Variants in LSAMP observed in about 807,000 individuals in gnomAD.
The protein encoded by LSAMP is limbic system associated membrane protein.
A neutral mutation model predicts 38.6 loss-of-function variants in LSAMP; 7 were observed. The observed-to-expected ratio is 0.18, with a 90% confidence interval of 0.10 to 0.34. The LOEUF (loss-of-function observed/expected upper bound fraction) is 0.34. Ranked by LOEUF, LSAMP falls within the 10% of genes least tolerant of loss-of-function variation. LSAMP has a pLI of 1.00. For missense variants in LSAMP, 313 were observed against 420.0 expected (o/e 0.75, Z 2.23); for synonymous variants, 154 against 166.8 (o/e 0.92, Z 0.59).
At chr3:116,271,107 G>C (rs2046966158) in intron 1 of LSAMP, among the ~76,000 whole-genome samples, 1 of 152,146 alleles carries the variant, frequency 6.6e-6, no homozygotes, top group Non-Finnish European at 1.5e-5. Flanking sequence ...ACTCTAAAGA[G>C]TTGATGGCCA....
intron 3 of LSAMP, among the ~76,000 whole-genome samples, chr3:115,904,111 CAAAA>C (rs957751464): frequency 4.0e-5 from 6 of 151,308 alleles, no homozygotes; most frequent in Admixed American, 2.6e-4. Flanking sequence ...CGACGGTAGT[CAAAA>C]AAAGTGAAGC....
At chr3:116,172,011 A>G (rs1013401019) in intron 1 of LSAMP, among the ~76,000 whole-genome samples, 3 of 151,996 alleles carry the variant, frequency 2.0e-5, no homozygotes, top group Non-Finnish European at 2.9e-5. Context: ...TTAGTGCACA[A>G]TTTTATTGGT....
chr3:116,058,975 A>G (rs1941544460), intron 2 of LSAMP, among the ~76,000 whole-genome samples: 1 of 151,764 alleles, frequency 6.6e-6, no homozygotes, highest in Non-Finnish European at 1.5e-5. Flanking sequence ...CACTGACTCC[A>G]TGCTTATGCT....
At chr3:116,209,964 C>T (rs557432341) in intron 1 of LSAMP, among the ~76,000 whole-genome samples, 37 of 152,206 alleles carry the variant, frequency 2.4e-4, no homozygotes, top group Non-Finnish European at 4.4e-4. Flanking sequence ...CCATGTTAGC[C>T]AGGATGGTCT....
intron 1 of LSAMP, among the ~76,000 whole-genome samples, chr3:116,283,172 TAAAG>T (rs1162016796): frequency 7.1e-6 from 1 of 140,900 alleles, no homozygotes; most frequent in Non-Finnish European, 1.5e-5. Context: ...TTTAGAAAAG[TAAAG>T]AAAGAGAGGA....
At chr3:115,941,653 T>C (rs1000008790) in intron 3 of LSAMP, among the ~76,000 whole-genome samples, 12 of 152,008 alleles carry the variant, frequency 7.9e-5, no homozygotes, top group African/African-American at 2.4e-5. Flanking sequence ...TACAACAACA[T>C]GGGTGAAACT....
At chr3:115,842,099 G>C (rs1935015778) in intron 5 of LSAMP, 106 bp from the exon 6 acceptor site, 1 of 1,196,594 alleles carries the variant, frequency 8.4e-7, no homozygotes, top group South Asian at 1.5e-5. Flanking sequence ...AAAGGAAGTA[G>C]CTAGAGTTTG....
At chr3:116,046,576 C>T (rs1405654558) in intron 2 of LSAMP, among the ~76,000 whole-genome samples, 1 of 152,090 alleles carries the variant, frequency 6.6e-6, no homozygotes, top group Non-Finnish European at 1.5e-5. Flanking sequence ...GCTCAAAGGC[C>T]CTGGTTTTGG....
intron 2 of LSAMP, among the ~76,000 whole-genome samples, chr3:116,083,991 T>C (rs904093114): frequency 1.6e-4 from 25 of 152,286 alleles, no homozygotes; most frequent in African/African-American, 6.0e-4. Context: ...CCCTTGTAAG[T>C]ACAAGCTTTG....
intron 3 of LSAMP, among the ~76,000 whole-genome samples, chr3:115,889,500 G>A (rs546735192): frequency 6.6e-6 from 1 of 151,958 alleles, no homozygotes; most frequent in South Asian, 2.1e-4. Context: ...CCAAGTCCAG[G>A]CAAAACTGAT....
At chr3:116,410,475 G>A (rs1046656314) in intron 1 of LSAMP, among the ~76,000 whole-genome samples, 1 of 147,386 alleles carries the variant, frequency 6.8e-6, no homozygotes, top group African/African-American at 2.6e-5. Context: ...ATCTTTTGTA[G>A]GATTACCTAA....
intron 3 of LSAMP, among the ~76,000 whole-genome samples, chr3:115,940,446 G>A (rs547867057): frequency 1.3e-4 from 19 of 149,436 alleles, no homozygotes; most frequent in African/African-American, 2.5e-4. Context: ...GACACAGAGC[G>A]CTGATTGGTG....
chr3:115,986,447 A>T (rs1939511320), intron 3 of LSAMP, among the ~76,000 whole-genome samples: 1 of 152,196 alleles, frequency 6.6e-6, no homozygotes, highest in Non-Finnish European at 1.5e-5. Context: ...TAATGAGCCC[A>T]GACTAAGAAA....
intron 1 of LSAMP, among the ~76,000 whole-genome samples, chr3:116,241,040 G>A (rs2046526145): frequency 6.6e-6 from 1 of 151,858 alleles, no homozygotes; most frequent in Non-Finnish European, 1.5e-5. Context: ...AGCCGGGCAT[G>A]GTGGCGCATG....
intron 1 of LSAMP, among the ~76,000 whole-genome samples, chr3:116,389,840 A>G (rs1057296318): frequency 6.6e-6 from 1 of 152,204 alleles, no homozygotes; most frequent in Non-Finnish European, 1.5e-5. Context: ...TTTATTTAAA[A>G]TAATAAAAAA....
At chr3:116,042,431 C>CTTTTT (rs1013336834) in intron 2 of LSAMP, among the ~76,000 whole-genome samples, 1 of 134,882 alleles carries the variant, frequency 7.4e-6, no homozygotes, top group African/African-American at 2.8e-5. Flanking sequence ...AAGAGCATTT[C>CTTTTT]TTTTTTTTTT....
intron 1 of LSAMP, among the ~76,000 whole-genome samples, chr3:116,333,257 T>C (rs925725491): frequency 6.6e-6 from 1 of 151,876 alleles, no homozygotes; most frequent in South Asian, 2.1e-4. Context: ...TTTAAGAAAA[T>C]AGGCCGGGTG....
intron 2 of LSAMP, among the ~76,000 whole-genome samples, chr3:116,045,720 C>T (rs1941276098): frequency 6.6e-6 from 1 of 152,006 alleles, no homozygotes; most frequent in South Asian, 2.1e-4. Context: ...GATTATATGC[C>T]TATCATTTAT....
At chr3:115,817,133 G>T (rs1934056156) in intron 6 of LSAMP, among the ~76,000 whole-genome samples, 1 of 152,116 alleles carries the variant, frequency 6.6e-6, no homozygotes, top group Non-Finnish European at 1.5e-5. Flanking sequence ...TCTTCCCCTA[G>T]ATCTTTGTAT....
Sources: allele counts gnomAD v4.1 joint callset (sites outside exome capture counted in the v4.1 genomes callset), GRCh38; gene constraint gnomAD v4.1.1; transcripts MANE v1.5; gene names NCBI Gene and HGNC (gene_info 2026-07-23, HGNC 2026-07-21).